RAD23B: variants seen among roughly 807,000 people sequenced by gnomAD.
The protein encoded by RAD23B is lysine-specific demethylase RAD23B.
In RAD23B, 5 loss-of-function variants were observed where a neutral mutation model predicts 49.1. The ratio of observed to expected loss-of-function variants is 0.10; its 90% CI spans 0.05 to 0.21. RAD23B has a LOEUF of 0.21. Among genes scored for constraint, RAD23B ranks in the 10% least tolerant of loss-of-function variants. The pLI, the probability that RAD23B is intolerant of heterozygous loss-of-function variation, is 1.00. For missense variants in RAD23B, 356 were observed against 486.7 expected (o/e 0.73, Z 2.53); for synonymous variants, 184 against 165.4 (o/e 1.11, Z -0.86).
At chr9:107,309,500 G>A (rs1222008125) in intron 4 of RAD23B, among the ~76,000 whole-genome samples, 3 of 152,178 alleles carry the variant, frequency 2.0e-5, no homozygotes, top group East Asian at 3.9e-4. Context: ...GAAGGCAAGC[G>A]TTGACATATA....
At chr9:107,298,497 TTTTTTG>T in intron 1 of RAD23B, among the ~76,000 whole-genome samples, 1 of 138,068 alleles carries the variant, frequency 7.2e-6, no homozygotes, top group African/African-American at 2.7e-5. Context: ...TTTTTTTTTT[TTTTTTG>T]CATTTTTAGT....
intron 1 of RAD23B, among the ~76,000 whole-genome samples, chr9:107,291,596 G>C (rs989604183): frequency 6.6e-6 from 1 of 152,088 alleles, no homozygotes; most frequent in Non-Finnish European, 1.5e-5. Flanking sequence ...TTTCCTATTT[G>C]TACTGAAGTC....
intron 1 of RAD23B, among the ~76,000 whole-genome samples, chr9:107,299,086 A>T (rs1377486629): frequency 6.6e-6 from 1 of 152,178 alleles, no homozygotes; most frequent in Non-Finnish European, 1.5e-5. Flanking sequence ...TGAGTGGGTG[A>T]CATTTCCTTT....
In RAD23B at chr9:107,283,670, A is replaced by T. The variant is rs781683465; in HGVS notation, c.41A>T (p.Lys14Met). 3 of 1,482,516 alleles carry T rather than the reference A, an allele frequency of 2.0e-6. No homozygotes were observed. Among genetic ancestry groups the T allele is most frequent in the Non-Finnish European group, 2.7e-6 (3 of 1,114,258 alleles). 91.8% of individuals were successfully genotyped at this position (1,482,516 alleles called of 1,614,324 possible). A position where few individuals can be genotyped will look rare whatever the true frequency, so the allele number is the denominator to read the frequency against. Reference sequence around the variant, plus strand: ...AAGACCCTCCAGCAGCAGACCTTCAAGATAGACATTGACCCCGAGGAGACG... The same window carrying T: ...AAGACCCTCCAGCAGCAGACCTTCATGATAGACATTGACCCCGAGGAGACG... ...TLKTLQQQTF[K>M]IDIDPEETVK... The change falls in exon 1 of 10, where the codon AAG (lysine) becomes ATG (methionine). Residue 14 changes from lysine to methionine, a missense_variant. Physicochemically the swap from Lys to Met is moderately conservative, Grantham distance 95. Transcript: ENST00000358015.
chr9:107,295,512 AAGTT>A (rs1191292705), intron 1 of RAD23B, among the ~76,000 whole-genome samples: 1 of 152,206 alleles, frequency 6.6e-6, no homozygotes, highest in African/African-American at 2.4e-5. Context: ...GGATGCAACA[AAGTT>A]AGACAAAGAT....
intron 1 of RAD23B, chr9:107,284,663 C>A: frequency 9.5e-7 from 1 of 1,055,660 alleles, no homozygotes; most frequent in Non-Finnish European, 1.2e-6. Flanking sequence ...AAATTTACTG[C>A]TTATGTTCGG....
intron 3 of RAD23B, among the ~76,000 whole-genome samples, chr9:107,306,045 T>TTTTATATATATATA (rs59336314): frequency 1.3e-3 from 35 of 26,784 alleles, no homozygotes; most frequent in African/African-American, 4.2e-3. Flanking sequence ...ATGATACGGT[T>TTTTATATATATATA]TATATCTATA....
In RAD23B at chr9:107,306,434, G is replaced by A. The variant is rs1181533322; in HGVS notation, c.284G>A (p.Ser95Asn). The change falls in exon 4 of 10, where the codon AGC becomes AAC. Residue 95 changes from serine to asparagine, a missense_variant. This residue lies in a region of RAD23B where 137 missense variants were observed against 122.0 expected (regional missense o/e 1.12). Transcript: ENST00000358015. ...PATTQQSAPA[S>N]TTAVTSSTTT... ...ACAACTCAGCAGTCAGCTCCTGCCA[G>A]CACTACAGCAGTTACTTCCTCCACC... The A allele has an allele frequency of 6.2e-7, 1 of 1,614,156 alleles. No individual in the cohort carries two copies. Among genetic ancestry groups the A allele is most frequent in the African/African-American group, 1.3e-5 (1 of 75,026 alleles).
intron 1 of RAD23B, among the ~76,000 whole-genome samples, chr9:107,286,193 A>C (rs138023897): frequency 2.2e-4 from 34 of 152,340 alleles, no homozygotes; most frequent in Non-Finnish European, 3.8e-4. Flanking sequence ...TGAGATGAGC[A>C]TGAGCAAAAA....
At chr9:107,298,621 G>A (rs1296134945) in intron 1 of RAD23B, among the ~76,000 whole-genome samples, 1 of 150,812 alleles carries the variant, frequency 6.6e-6, no homozygotes, top group Non-Finnish European at 1.5e-5. Flanking sequence ...ATCAGCCACT[G>A]CGCCTGACCC....
intron 1 of RAD23B, among the ~76,000 whole-genome samples, chr9:107,298,569 GA>G (rs1313915527): frequency 1.4e-5 from 2 of 141,024 alleles, no homozygotes; most frequent in Non-Finnish European, 3.0e-5. Context: ...GGCCTCAGGT[GA>G]TCCTCCCACT....
At chr9:107,306,746 C>CT in intron 4 of RAD23B, 99 bp downstream of exon 4, 2 of 1,311,888 alleles carry the variant, frequency 1.5e-6, no homozygotes, top group Non-Finnish European at 2.1e-6. Flanking sequence ...CCGACTATAT[C>CT]TATTACGTTA....
chr9:107,316,132 C>T (rs1826989710), intron 5 of RAD23B, among the ~76,000 whole-genome samples: 1 of 151,930 alleles, frequency 6.6e-6, no homozygotes, highest in Non-Finnish European at 1.5e-5. Context: ...GCCTCAGCCT[C>T]CTGAGTAGGT....
chr9:107,300,249 T>C, intron 2 of RAD23B, 27 bp downstream of exon 2: 1 of 1,583,102 alleles, frequency 6.3e-7, no homozygotes, highest in Non-Finnish European at 8.6e-7. Flanking sequence ...AAAATTAACA[T>C]GCCATGTCTT....
In RAD23B at chr9:107,283,602, C is replaced by T; in HGVS notation, c.-28C>T. ...CCCAGCGGCCAGCACCCGGCGCAGG[C>T]CCGGCAGCCGAGCTGCGCGGCGGCA... On this transcript the variant is annotated 5_prime_UTR_variant, in exon 1 of 10. Transcript: ENST00000358015. The T allele has an allele frequency of 6.8e-7, 1 of 1,465,682 alleles. No individual in the cohort carries two copies. The highest frequency in any genetic ancestry group is 9.0e-7 in the Non-Finnish European group (1 of 1,106,394). 90.8% of individuals were successfully genotyped at this position (1,465,682 alleles called of 1,614,324 possible). A position where few individuals can be genotyped will look rare whatever the true frequency, so the allele number is the denominator to read the frequency against.
At chr9:107,324,553 GT>G (rs201409424) in intron 8 of RAD23B, among the ~76,000 whole-genome samples, 4 of 151,652 alleles carry the variant, frequency 2.6e-5, no homozygotes, top group Admixed American at 6.6e-5. Flanking sequence ...TCCCACAGTA[GT>G]TTTTTTTGTT....
intron 1 of RAD23B, 118 bp downstream of exon 1, chr9:107,283,813 C>G: frequency 9.9e-7 from 1 of 1,006,618 alleles, no homozygotes; most frequent in Non-Finnish European, 1.3e-6. Context: ...CGATGAGGGC[C>G]CTGGGTCCTG....
chr9:107,331,620 G>A lies in RAD23B; in HGVS notation c.*1964G>A, dbSNP rs759563283. 63 of 755,532 alleles carry A rather than the reference G, an allele frequency of 8.3e-5. No individual in the cohort carries two copies. The highest frequency in any genetic ancestry group is 1.2e-4 in the Non-Finnish European group (51 of 408,962). The allele number at this position is 755,532 out of a possible 1,614,324, so 46.8% of individuals were successfully genotyped here. ...GGGAAAAGAGGTGGCATTTCTGATC[G>A]GATAATGGAATACTCTCATTTATTT... On this transcript the variant is annotated 3_prime_UTR_variant, in exon 10 of 10. Transcript: ENST00000358015.
chr9:107,318,992 T>A lies in RAD23B; in HGVS notation c.681+113T>A. On this transcript the variant is annotated intron_variant, in intron 6 of 9. Transcript: ENST00000358015. This position sits in a 1 kb window ranked among gnomAD's most constrained non-coding sequence, Gnocchi z 4.3. ...ACTGATATATGCTAGATGATATACA[T>A]AATGCTTTTTTTTTTCTAGTATGTT... 1 of 1,018,500 alleles carries A rather than the reference T, an allele frequency of 9.8e-7. No homozygotes were observed. 63.1% of individuals were successfully genotyped at this position (1,018,500 alleles called of 1,614,324 possible).
Sources: gnomAD v4.1 joint callset for allele counts (sites outside exome capture counted in the v4.1 genomes callset) on GRCh38, gnomAD v4.1.1 for gene constraint, gnomAD v4.1.1 regional missense constraint, Gnocchi (gnomAD v3.1) non-coding constraint, MANE v1.5 for transcripts, NCBI Gene and HGNC (gene_info 2026-07-23, HGNC 2026-07-21) for gene names.